Variants in PGBD2 observed in about 807,000 individuals in gnomAD.
The protein encoded by PGBD2 is piggyBac transposable element-derived protein 2.
A neutral mutation model predicts 8.1 loss-of-function variants in PGBD2; 6 were observed. That is an observed-to-expected ratio of 0.74 (90% CI 0.40 to 1.46). The LOEUF (loss-of-function observed/expected upper bound fraction) is 1.46. PGBD2 is among the 40% of genes most tolerant of loss of function. The pLI, the probability that PGBD2 is intolerant of heterozygous loss-of-function variation, is 0.02. For synonymous variants in PGBD2, 318 were observed against 272.2 expected, an observed-to-expected ratio of 1.17 and a Z score of -1.66; for missense variants, 802 against 739.0, an observed-to-expected ratio of 1.09 and a Z score of -0.99.
the PGBD2 span, among the ~76,000 whole-genome samples, chr1:248,883,893 G>T: frequency 6.6e-6 from 1 of 152,016 alleles, no homozygotes; most frequent in Non-Finnish European, 1.5e-5. Context: ...CACCGTGCCC[G>T]ACCCTAGTTT....
chr1:248,917,907 T>A lies in PGBD2; in HGVS notation c.1323T>A (p.Ala441=). 6.2e-7 allele frequency: 1 copy of A among 1,614,196 alleles called. No homozygotes were observed. Among genetic ancestry groups the A allele is most frequent in the Non-Finnish European group, 8.5e-7 (1 of 1,180,038 alleles). The part of the protein sequence containing the change: ...VRLTSRHSGA[A]KTRTQVHQPS... ...TGACCAGTCGTCACTCTGGAGCAGC[T>A]AAAACGCGGACTCAGGTCCACCAGC... The change falls in exon 3 of 3, where the codon GCT becomes GCA. Residue 441 remains alanine (A), a synonymous_variant. Coordinates refer to ENST00000329291, the MANE Select transcript of PGBD2 (RefSeq NM_170725.3).
chr1:248,928,992 C>G, the PGBD2 span, among the ~76,000 whole-genome samples: 1,297 of 152,294 alleles, frequency 8.5e-3, 19 homozygotes, highest in African/African-American at 0.029. Context: ...CTTCAAAAAC[C>G]AAACCTGTTT....
chr1:248,920,470 A>T (rs944566902), downstream of PGBD2, among the ~76,000 whole-genome samples: 1 of 152,250 alleles, frequency 6.6e-6, no homozygotes, highest in Non-Finnish European at 1.5e-5. Flanking sequence ...TGCAAAGGAC[A>T]TGAACTCATC....
upstream of PGBD2, among the ~76,000 whole-genome samples, chr1:248,903,267 T>C (rs1661565013): frequency 6.6e-6 from 1 of 152,184 alleles, no homozygotes; most frequent in Admixed American, 6.5e-5. Context: ...GGCATGATCA[T>C]AGCTCATTGA....
downstream of PGBD2, among the ~76,000 whole-genome samples, chr1:248,921,631 T>A (rs2103121345): frequency 6.6e-6 from 1 of 152,312 alleles, no homozygotes. Flanking sequence ...CTTTTTTAGT[T>A]CCACATGAAA....
At chr1:248,914,063 C>T (rs889378543) in intron 2 of PGBD2, among the ~76,000 whole-genome samples, 184 bp downstream of exon 2, 4 of 152,142 alleles carry the variant, frequency 2.6e-5, no homozygotes, top group African/African-American at 7.2e-5. Context: ...CTGACAGTTG[C>T]ATGGTGTGGG....
chr1:248,915,393 C>T (rs1440305157), intron 2 of PGBD2, among the ~76,000 whole-genome samples: 1 of 152,154 alleles, frequency 6.6e-6, no homozygotes, highest in East Asian at 1.9e-4. Flanking sequence ...ACTTTCAGTC[C>T]AGTAGTCAAT....
downstream of PGBD2, among the ~76,000 whole-genome samples, chr1:248,923,080 C>T (rs190067890): frequency 3.5e-4 from 54 of 152,306 alleles, no homozygotes; most frequent in East Asian, 8.5e-3. Flanking sequence ...GTGAATCCAT[C>T]TGGTCCTGGA....
At chr1:248,874,399 C>T in the PGBD2 span, among the ~76,000 whole-genome samples, 3 of 152,128 alleles carry the variant, frequency 2.0e-5, no homozygotes, top group East Asian at 1.9e-4. Context: ...GACTTCTAAA[C>T]AAAGGGCAAA....
chr1:248,887,278 T>G, the PGBD2 span, among the ~76,000 whole-genome samples: 1 of 152,196 alleles, frequency 6.6e-6, no homozygotes, highest in African/African-American at 2.4e-5. Flanking sequence ...TAATCCAGGA[T>G]CCCAAATTGC....
At chr1:248,876,740 A>G in the PGBD2 span, among the ~76,000 whole-genome samples, 3 of 152,290 alleles carry the variant, frequency 2.0e-5, no homozygotes, top group African/African-American at 4.8e-5. Context: ...CCACCAGTCA[A>G]TTGATTTAAA....
chr1:248,877,188 G>A, the PGBD2 span, among the ~76,000 whole-genome samples: 5,880 of 152,216 alleles, frequency 0.039, 377 homozygotes, highest in African/African-American at 0.13. Flanking sequence ...TGTTGTAGCT[G>A]CTGTGATGAT....
Position 248,918,138 on chromosome 1 carries a change from A to G in PGBD2, c.1554A>G (p.Arg518=). 6.2e-7 allele frequency: 1 copy of G among 1,614,184 alleles called. No individual in the cohort carries two copies. Among genetic ancestry groups the G allele is most frequent in the Non-Finnish European group, 8.5e-7 (1 of 1,180,028 alleles). ...DAQVDLLAFR[R]YIACVYLESN... ...AGGTGGACCTCCTTGCCTTCCGGAGATACATTGCCTGTGTGTATCTGGAGA... is the reference window on the plus strand; with the variant it reads ...AGGTGGACCTCCTTGCCTTCCGGAGGTACATTGCCTGTGTGTATCTGGAGA... The change falls in exon 3 of 3, where the codon AGA becomes AGG. Residue 518 remains arginine (R), a synonymous_variant. Coordinates refer to ENST00000329291, the MANE Select transcript of PGBD2 (RefSeq NM_170725.3).
chr1:248,928,302 C>T, the PGBD2 span, among the ~76,000 whole-genome samples: 1 of 152,204 alleles, frequency 6.6e-6, no homozygotes, highest in Non-Finnish European at 1.5e-5. Context: ...CAGCAACAGA[C>T]AATGCACAAA....
At chr1:248,887,276 G>T in the PGBD2 span, among the ~76,000 whole-genome samples, 6 of 152,078 alleles carry the variant, frequency 3.9e-5, no homozygotes, top group Non-Finnish European at 8.8e-5. Flanking sequence ...TCTAATCCAG[G>T]ATCCCAAATT....
At chr1:248,876,700 A>T in the PGBD2 span, among the ~76,000 whole-genome samples, 1 of 152,132 alleles carries the variant, frequency 6.6e-6, no homozygotes, top group Non-Finnish European at 1.5e-5. Context: ...TTGTGACTTT[A>T]TCCGTATTTA....
intron 2 of PGBD2, among the ~76,000 whole-genome samples, chr1:248,916,022 G>A (rs1488988663): frequency 6.6e-6 from 1 of 152,138 alleles, no homozygotes; most frequent in East Asian, 1.9e-4. Context: ...ATCACTAAAG[G>A]GACCCTCTGC....
At position 248,917,608 on chromosome 1, in the gene PGBD2, G is replaced by A. The variant is rs1662153903; in HGVS notation, c.1024G>A (p.Gly342Ser). The change falls in exon 3 of 3, where the codon GGT (glycine) becomes AGT (serine). Residue 342 changes from glycine (G) to serine (S), a missense_variant. Gly to Ser is a moderately conservative substitution (Grantham distance 56). Transcript: ENST00000329291. ...ATTTGTGGATGCGCTTCAGGAGCGTGGTTTTCTGCCATATCACATATTTTT... is the reference window on the plus strand; with the variant it reads ...ATTTGTGGATGCGCTTCAGGAGCGTAGTTTTCTGCCATATCACATATTTTT... ...IKFVDALQER[G>S]FLPYHIFFDK... 1.2e-6 allele frequency: 2 copies of A among 1,614,138 alleles called. No homozygotes were observed. Among genetic ancestry groups the A allele is most frequent in the Non-Finnish European group, 1.7e-6 (2 of 1,180,038 alleles).
In PGBD2 at chr1:248,913,898, C is replaced by G. The variant is rs777606309; in HGVS notation, c.17+19C>G. 3 of 1,601,252 alleles carry G rather than the reference C, an allele frequency of 1.9e-6. No homozygotes were observed. Among genetic ancestry groups the G allele is most frequent in the Admixed American group, 1.7e-5 (1 of 59,968 alleles). On this transcript the variant is annotated intron_variant, in intron 2 of 2. Transcript: ENST00000329291. ...CATCCAGGTAGGAGTGCTGTTTGAT[C>G]AAATGTTTTATTGAAGAATTTATTC...
Sources: gnomAD v4.1 joint callset for allele counts (sites outside exome capture counted in the v4.1 genomes callset) on GRCh38, gnomAD v4.1.1 for gene constraint, MANE v1.5 for transcripts, NCBI Gene and HGNC (gene_info 2026-07-23, HGNC 2026-07-21) for gene names.